MYT1: variants seen among roughly 807,000 people sequenced by gnomAD.
MYT1 encodes myelin transcription factor 1.
A neutral mutation model predicts 123.0 loss-of-function variants in MYT1; 23 were observed. The ratio of observed to expected loss-of-function variants is 0.19; its 90% CI spans 0.13 to 0.26. MYT1 has a LOEUF of 0.26. Ranked by LOEUF, MYT1 falls within the 10% of genes least tolerant of loss-of-function variation. The probability of loss-of-function intolerance (pLI) is 1.00; values close to 1 mark genes in which losing one functional copy is unlikely to be tolerated. For missense variants in MYT1, 1,125 were observed against 1,472.5 expected (o/e 0.76, Z 3.86); for synonymous variants, 518 against 575.3 (o/e 0.90, Z 1.43).
chr20:64,164,825 C>G (rs1286950148), intron 1 of MYT1, 86 bp downstream of exon 1: 1 of 152,070 alleles, frequency 6.6e-6, no homozygotes, highest in African/African-American at 2.4e-5. Flanking sequence ...AGAGGGCGCG[C>G]GGGCAGAGTT....
chr20:64,188,508 G>A (rs1982875463), intron 1 of MYT1, among the ~76,000 whole-genome samples: 1 of 152,106 alleles, frequency 6.6e-6, no homozygotes, highest in Admixed American at 6.5e-5. Flanking sequence ...CTCAGCTTCT[G>A]TTGACACATA....
rs775982121 is a variant in MYT1, at chr20:64,208,227, T to C, written c.1031T>C (p.Val344Ala). 1 of 1,614,078 alleles carries C rather than the reference T, an allele frequency of 6.2e-7. No homozygotes were observed. Among genetic ancestry groups the C allele is most frequent in the East Asian group, 2.2e-5 (1 of 44,860 alleles). Residue 344 changes from valine to alanine, a missense_variant, in exon 7 of 23, where the codon GTG becomes GCG. Physicochemically the swap from Val to Ala is moderately conservative, Grantham distance 64 (BLOSUM62 0). This residue lies in a region of MYT1 where 406 missense variants were observed against 432.2 expected (regional missense o/e 0.94). Coordinates refer to ENST00000328439, the MANE Select transcript of MYT1 (RefSeq NM_004535.3). This position sits in a 1 kb window ranked among gnomAD's most constrained non-coding sequence, Gnocchi z 5.4. The stretch of plus-strand genomic sequence containing the variant: ...CCCAAGCCTGAGTACTCTGTTATTG[T>C]GGAGGTCCGCTCGGATGATGACAAG... The part of the protein sequence containing the change: ...PSPKPEYSVI[V>A]EVRSDDDKDE...
In MYT1 at chr20:64,232,485, CGT is replaced by C. The variant is rs2145732212; in HGVS notation, c.2897+104_2897+105del. The C allele has an allele frequency of 1.6e-6, 2 of 1,222,648 alleles. No homozygotes were observed. The highest frequency in any genetic ancestry group is 2.3e-6 in the Non-Finnish European group (2 of 853,920). 75.7% of individuals were successfully genotyped at this position (1,222,648 alleles called of 1,614,324 possible). On this transcript the variant is annotated intron_variant, in intron 19 of 22. Transcript: ENST00000328439. This position sits in a 1 kb window ranked among gnomAD's most constrained non-coding sequence, Gnocchi z 6.9. ...CTGAGGGAGGGCCAGACCAGGGCTC[CGT>C]GTGACCAGAGTTGCTCAAGGGAAAG...
At chr20:64,200,993 C>T (rs945122335) in intron 4 of MYT1, among the ~76,000 whole-genome samples, 13 of 152,084 alleles carry the variant, frequency 8.5e-5, no homozygotes, top group African/African-American at 2.2e-4. Context: ...GCGGTGATTG[C>T]GACGGCGAGA....
At chr20:64,172,838 A>G (rs1342674233) in intron 1 of MYT1, among the ~76,000 whole-genome samples, 2 of 137,484 alleles carry the variant, frequency 1.5e-5, no homozygotes, top group East Asian at 2.2e-4. Flanking sequence ...ACCTCCGCCT[A>G]CTGGGTTCAG....
intron 16 of MYT1, among the ~76,000 whole-genome samples, chr20:64,226,866 A>G (rs1414651819): frequency 6.6e-6 from 1 of 152,260 alleles, no homozygotes; most frequent in Non-Finnish European, 1.5e-5. Context: ...GGCCAGCGCC[A>G]TCTGCTCTGC....
At chr20:64,211,979 C>T in intron 8 of MYT1, 69 bp from the exon 9 acceptor site, 1 of 1,342,172 alleles carries the variant, frequency 7.5e-7, no homozygotes, top group Non-Finnish European at 1.1e-6. Context: ...AGCCTGTGCT[C>T]CCCACACAGC....
Position 64,208,329 on chromosome 20 carries a change from TG to T in MYT1, c.1136del (p.Gly379AlafsTer9). On this transcript the variant is annotated frameshift_variant, in exon 7 of 23. Transcript: ENST00000328439. LOFTEE classifies it high-confidence loss of function. This position sits in a 1 kb window ranked among gnomAD's most constrained non-coding sequence, Gnocchi z 5.4. ...CAGGACATGATGACCCGGGGAAACCTGGGCCTCCTGGAGCAGGCCATCGCCC... is the reference window on the plus strand; with the variant it reads ...CAGGACATGATGACCCGGGGAAACCTGGCCTCCTGGAGCAGGCCATCGCCC... ...EMQDMMTRGNLGLLEQAIALK... is the reference protein window; with the variant it reads ...EMQDMMTRGNXGLLEQAIALK... 1 of 1,614,064 alleles carries T rather than the reference TG, an allele frequency of 6.2e-7. No homozygotes were observed. The highest frequency in any genetic ancestry group is 8.5e-7 in the Non-Finnish European group (1 of 1,180,028).
chr20:64,222,543 C>T (rs1017192554), intron 14 of MYT1, among the ~76,000 whole-genome samples: 3 of 152,348 alleles, frequency 2.0e-5, no homozygotes, highest in East Asian at 1.9e-4. Flanking sequence ...TTGGAACAGA[C>T]AGAGTTGCTG....
Position 64,232,430 on chromosome 20 carries a change from A to G in MYT1, c.2897+45A>G. ...CTGCCCCTCTGTGCAGTCAGTAGGG[A>G]CCCTCGCCTGGGGCCTGGGGCTGAA... On this transcript the variant is annotated intron_variant, in intron 19 of 22. Coordinates refer to ENST00000328439, the MANE Select transcript of MYT1 (RefSeq NM_004535.3). This position sits in a 1 kb window ranked among gnomAD's most constrained non-coding sequence, Gnocchi z 6.9. 1 of 1,583,018 alleles carries G rather than the reference A, an allele frequency of 6.3e-7. No individual in the cohort carries two copies. The highest frequency in any genetic ancestry group is 8.7e-7 in the Non-Finnish European group (1 of 1,154,078).
intron 2 of MYT1, among the ~76,000 whole-genome samples, chr20:64,198,018 G>C (rs1042247866): frequency 1.1e-4 from 17 of 152,184 alleles, no homozygotes; most frequent in African/African-American, 3.9e-4. Context: ...GGGCGCGGTG[G>C]CTCACGCCTG....
At chr20:64,173,717 C>T (rs751164475) in intron 1 of MYT1, among the ~76,000 whole-genome samples, 1,293 of 112,442 alleles carry the variant, frequency 0.011, 4 homozygotes, top group South Asian at 0.069. Flanking sequence ...GTGTCCATTT[C>T]CCCTCCCTGA....
Position 64,240,663 on chromosome 20 carries a change from G to C in MYT1, c.*215G>C. Reference sequence around the variant, plus strand: ...GGTGGCCCTATCTGTGTGCATAGGGGCACTGAAGAATTACAAAGTGATTTA... The same window carrying C: ...GGTGGCCCTATCTGTGTGCATAGGGCCACTGAAGAATTACAAAGTGATTTA... On this transcript the variant is annotated 3_prime_UTR_variant, in exon 23 of 23. Coordinates refer to ENST00000328439, the MANE Select transcript of MYT1 (RefSeq NM_004535.3). The C allele has an allele frequency of 3.9e-6, 2 of 515,484 alleles. No homozygotes were observed. The highest frequency in any genetic ancestry group is 7.6e-5 in the South Asian group (2 of 26,398). The allele number at this position is 515,484 out of a possible 1,614,324, so 31.9% of individuals were successfully genotyped here.
chr20:64,211,784 A>C (rs1983673715), intron 8 of MYT1, among the ~76,000 whole-genome samples: 1 of 152,228 alleles, frequency 6.6e-6, no homozygotes, highest in South Asian at 2.1e-4. Flanking sequence ...TTTAAAGCTG[A>C]GTCTGGTTTC....
chr20:64,234,548 G>A (rs1218348627), intron 19 of MYT1, among the ~76,000 whole-genome samples: 2 of 152,176 alleles, frequency 1.3e-5, no homozygotes, highest in East Asian at 1.9e-4. Context: ...GGTCATCTAG[G>A]TGAGGTGGAA....
intron 20 of MYT1, among the ~76,000 whole-genome samples, chr20:64,236,903 G>C (rs1984570921): frequency 1.3e-5 from 2 of 152,144 alleles, no homozygotes; most frequent in Non-Finnish European, 1.5e-5. Flanking sequence ...TGACCACTGG[G>C]ATCAGAGTCC....
intron 16 of MYT1, among the ~76,000 whole-genome samples, chr20:64,224,519 G>T (rs531126428): frequency 6.6e-6 from 1 of 152,246 alleles, no homozygotes; most frequent in East Asian, 1.9e-4. Context: ...CCACAGAGTG[G>T]GGTGCAGCAT....
intron 13 of MYT1, among the ~76,000 whole-genome samples, chr20:64,220,806 GGTGGGGGCTGGATCAGGCCCCT>G (rs1448811114): frequency 1.8e-5 from 2 of 112,964 alleles, no homozygotes; most frequent in African/African-American, 6.0e-5. Flanking sequence ...CCCTATGAAG[GGTGGGGGCTGGATCAGGCCCCT>G]ATGAAGGGTA....
In MYT1 at chr20:64,232,880, G is replaced by A. The variant is rs1202023424; in HGVS notation, c.2897+495G>A. 1.3e-5 allele frequency among the ~76,000 whole-genome samples: 2 copies of A among 151,844 alleles called. No homozygotes were observed. Among genetic ancestry groups the A allele is most frequent in the African/African-American group, 2.4e-5 (1 of 41,286 alleles). Reference sequence around the variant, plus strand: ...CAGAGACCCCTGCCTGCCTTGCAAGGGAGCTGGTAACCCCTCTCTGTCAGG... The same window carrying A: ...CAGAGACCCCTGCCTGCCTTGCAAGAGAGCTGGTAACCCCTCTCTGTCAGG... On this transcript the variant is annotated intron_variant, in intron 19 of 22. Transcript: ENST00000328439. The surrounding 1 kb of genome is among the most constrained non-coding windows in gnomAD (Gnocchi z 6.9).
Sources: gnomAD v4.1 joint callset for allele counts (sites outside exome capture counted in the v4.1 genomes callset) on GRCh38, gnomAD v4.1.1 for gene constraint, gnomAD v4.1.1 regional missense constraint, Gnocchi (gnomAD v3.1) non-coding constraint, MANE v1.5 for transcripts, NCBI Gene and HGNC (gene_info 2026-07-23, HGNC 2026-07-21) for gene names.